The following METTL14 variants were observed in gnomAD, a reference collection of about 807,000 sequenced individuals.
The protein encoded by METTL14 is N(6)-adenosine-methyltransferase non-catalytic subunit METTL14.
METTL14 carries 32 observed loss-of-function variants against 62.4 expected under a neutral mutation model. That is an observed-to-expected ratio of 0.51 (90% CI 0.39 to 0.69). METTL14 has a LOEUF of 0.69. METTL14 is among the 30% of genes least tolerant of loss of function. The pLI is 0.00. For missense variants in METTL14, 340 were observed against 551.9 expected, an observed-to-expected ratio of 0.62 and a Z score of 3.85; for synonymous variants, 150 against 180.0, an observed-to-expected ratio of 0.83 and a Z score of 1.34.
In METTL14 at chr4:118,696,117, C is replaced by CAAAAAAAAAAAAAA. The variant is rs70941201; in HGVS notation, c.504-1050_504-1037dup. On this transcript the variant is annotated intron_variant, in intron 6 of 10. Coordinates refer to ENST00000388822, the MANE Select transcript of METTL14 (RefSeq NM_020961.4). ...CTGGCAACAGAGTGAGACTCTGTCT[C>CAAAAAAAAAAAAAA]AAAAAAAAAAAAAAAAAAAAAAAAA... Among the ~76,000 whole-genome samples the CAAAAAAAAAAAAAA allele has an allele frequency of 3.6e-3, 123 of 33,914 alleles. 17 individuals are homozygous for CAAAAAAAAAAAAAA. The highest frequency in any genetic ancestry group is 4.8e-3 in the Non-Finnish European group (104 of 21,552). 22.2% of individuals were successfully genotyped at this position (33,914 alleles called of 152,430 possible).
intron 7 of METTL14, among the ~76,000 whole-genome samples, chr4:118,699,472 A>G (rs1724521306): frequency 6.6e-6 from 1 of 152,198 alleles, no homozygotes; most frequent in Non-Finnish European, 1.5e-5. Flanking sequence ...CCAGATAGGT[A>G]TAAATTTACA....
intron 3 of METTL14, among the ~76,000 whole-genome samples, chr4:118,690,517 A>G (rs1224814294): frequency 6.6e-6 from 1 of 151,872 alleles, no homozygotes; most frequent in African/African-American, 2.4e-5. Flanking sequence ...TGTCTCTACT[A>G]AAAATACAAA....
At chr4:118,693,685 C>G (rs1724320779) in intron 5 of METTL14, among the ~76,000 whole-genome samples, 1 of 152,036 alleles carries the variant, frequency 6.6e-6, no homozygotes, top group Admixed American at 6.6e-5. Flanking sequence ...CTTAGGATAC[C>G]TGCCTCCCCA....
At chr4:118,709,791 G>A (rs1296191541) in intron 10 of METTL14, among the ~76,000 whole-genome samples, 2 of 152,046 alleles carry the variant, frequency 1.3e-5, no homozygotes, top group Non-Finnish European at 2.9e-5. Context: ...TATTACAAAA[G>A]TTACAATCTA....
At chr4:118,692,762 C>G (rs7692721) in intron 5 of METTL14, among the ~76,000 whole-genome samples, 43,639 of 151,794 alleles carry the variant, frequency 0.29, 7,186 homozygotes, top group Non-Finnish European at 0.37. Flanking sequence ...ACAATCTATA[C>G]TAGAACATTT....
intron 6 of METTL14, among the ~76,000 whole-genome samples, 173 bp from the exon 7 acceptor site, chr4:118,697,009 C>T (rs939589261): frequency 2.6e-5 from 4 of 152,028 alleles, no homozygotes; most frequent in African/African-American, 9.7e-5. Context: ...AAAAAAGACT[C>T]AATAAAAAGG....
chr4:118,688,811 C>T (rs968500367), intron 2 of METTL14, among the ~76,000 whole-genome samples: 12 of 152,000 alleles, frequency 7.9e-5, no homozygotes, highest in Admixed American at 3.9e-4. Flanking sequence ...GTAGCTGGGA[C>T]TACAGGTGCG....
At chr4:118,688,606 A>G (rs533862560) in intron 2 of METTL14, among the ~76,000 whole-genome samples, 13 of 152,298 alleles carry the variant, frequency 8.5e-5, no homozygotes, top group Non-Finnish European at 1.5e-4. Context: ...GTAAGTTCCC[A>G]TTTGTAAAGT....
intron 10 of METTL14, among the ~76,000 whole-genome samples, chr4:118,708,078 G>C (rs531955463): frequency 3.0e-4 from 46 of 152,246 alleles, no homozygotes; most frequent in Admixed American, 3.3e-4. Flanking sequence ...GCCCGCCTTG[G>C]CCTCCAAATT....
Position 118,694,635 on chromosome 4 carries a change from ATGCTT to A in METTL14, c.503+111_503+115del. On this transcript the variant is annotated intron_variant, in intron 6 of 10. Coordinates refer to ENST00000388822, the MANE Select transcript of METTL14 (RefSeq NM_020961.4). ...TCCTAAATTCAGCACTTATGTTAAC[ATGCTT>A]TATTACTCTGTTTCTTCTCTCTGCC... The A allele has an allele frequency of 3.9e-6, 3 of 777,388 alleles. No homozygotes were observed. In the Admixed American group the frequency reaches 7.5e-5, roughly 19 times the overall value. The allele number at this position is 777,388 out of a possible 1,614,324, so 48.2% of individuals were successfully genotyped here. A position where few individuals can be genotyped will look rare whatever the true frequency, so the allele number is the denominator to read the frequency against.
chr4:118,705,041 A>G lies in METTL14; in HGVS notation c.856-570A>G, dbSNP rs78373820. 5.1e-4 allele frequency among the ~76,000 whole-genome samples: 78 copies of G among 152,142 alleles called. No individual in the cohort carries two copies. The East Asian group carries it at 0.015, about 28-fold the overall frequency. On this transcript the variant is annotated intron_variant, in intron 9 of 10. Coordinates refer to ENST00000388822, the MANE Select transcript of METTL14 (RefSeq NM_020961.4). ...TGGAGAATTGCTTGGTATGGGAAAA[A>G]CCCACACATCTGGGATCAGAAGTGA...
At chr4:118,698,825 G>A (rs1284896970) in intron 7 of METTL14, among the ~76,000 whole-genome samples, 1 of 152,094 alleles carries the variant, frequency 6.6e-6, no homozygotes, top group Non-Finnish European at 1.5e-5. Context: ...AAACTCTAAG[G>A]ACAGGCAGAT....
chr4:118,706,213 A>G (rs1217661743), intron 10 of METTL14, among the ~76,000 whole-genome samples: 1 of 152,218 alleles, frequency 6.6e-6, no homozygotes, highest in African/African-American at 2.4e-5. Context: ...ATCATACTCA[A>G]TAGTTTCACG....
intron 9 of METTL14, 62 bp from the exon 10 acceptor site, chr4:118,705,549 G>T: frequency 7.8e-7 from 1 of 1,290,174 alleles, no homozygotes; most frequent in Admixed American, 1.8e-5. Flanking sequence ...CATCAGAAAT[G>T]TGAAAGGTTT....
At chr4:118,690,035 C>CTTTTTTTTTTTTTT (rs70941200) in intron 3 of METTL14, among the ~76,000 whole-genome samples, 5 of 86,640 alleles carry the variant, frequency 5.8e-5, no homozygotes, top group East Asian at 3.7e-4. Flanking sequence ...TAATAATATT[C>CTTTTTTTTTTTTTT]TTTTTTTTTT....
intron 8 of METTL14, among the ~76,000 whole-genome samples, chr4:118,702,938 T>TTTA (rs70944804): frequency 0.37 from 50,210 of 134,846 alleles, 10,449 homozygotes; most frequent in South Asian, 0.5. Flanking sequence ...GTTGGAAGGT[T>TTTA]TTATTATTAT....
chr4:118,688,820 C>T (rs1379505111), intron 2 of METTL14, among the ~76,000 whole-genome samples: 2 of 151,910 alleles, frequency 1.3e-5, no homozygotes, highest in Non-Finnish European at 2.9e-5. Flanking sequence ...ACTACAGGTG[C>T]GCGCCACCAC....
chr4:118,686,985 G>A (rs980252828), intron 1 of METTL14, among the ~76,000 whole-genome samples: 2 of 152,176 alleles, frequency 1.3e-5, no homozygotes, highest in Non-Finnish European at 2.9e-5. Flanking sequence ...GTTCAGCCTT[G>A]TGTCTATAAA....
intron 5 of METTL14, among the ~76,000 whole-genome samples, chr4:118,693,721 C>G (rs1320752670): frequency 2.0e-5 from 3 of 152,098 alleles, no homozygotes; most frequent in African/African-American, 7.2e-5. Flanking sequence ...ACTTAGAAAA[C>G]TATTACAGAT....
Sources: gnomAD v4.1 joint callset for allele counts (sites outside exome capture counted in the v4.1 genomes callset) on GRCh38, gnomAD v4.1.1 for gene constraint, MANE v1.5 for transcripts, NCBI Gene and HGNC (gene_info 2026-07-23, HGNC 2026-07-21) for gene names.